The following FAM20C variants were observed in gnomAD, a reference collection of about 807,000 sequenced individuals.
FAM20C encodes extracellular serine/threonine protein kinase FAM20C.
In FAM20C, 40 loss-of-function variants were observed where a neutral mutation model predicts 51.5. The observed-to-expected ratio is 0.78, with a 90% CI of 0.60 to 1.01. The LOEUF (loss-of-function observed/expected upper bound fraction) is 1.01. Ranked by LOEUF, FAM20C falls within the 50% of genes least tolerant of loss-of-function variation. The probability of loss-of-function intolerance (pLI) is 0.00; values close to 1 mark genes in which losing one functional copy is unlikely to be tolerated. For missense variants in FAM20C, 861 were observed against 844.7 expected, an observed-to-expected ratio of 1.02 and a Z score of -0.24; for synonymous variants, 406 against 380.6, an observed-to-expected ratio of 1.07 and a Z score of -0.78.
chr7:246,974 G>A (rs150126374), intron 4 of FAM20C, among the ~76,000 whole-genome samples: 2,668 of 152,272 alleles, frequency 0.018, 78 homozygotes, highest in African/African-American at 0.06. Flanking sequence ...CAGATGGGAG[G>A]CACAGAAGCT....
intron 2 of FAM20C, among the ~76,000 whole-genome samples, chr7:208,161 G>A (rs1003476802): frequency 1.8e-4 from 27 of 152,040 alleles, no homozygotes; most frequent in Admixed American, 4.6e-4. Flanking sequence ...GTGTGTGGTC[G>A]TGCAGGGGTA....
intron 3 of FAM20C, among the ~76,000 whole-genome samples, chr7:235,889 A>G (rs1787833322): frequency 6.6e-6 from 1 of 152,164 alleles, no homozygotes; most frequent in Non-Finnish European, 1.5e-5. Flanking sequence ...TCCAGGAAAC[A>G]TTTGGGCGAC....
chr7:257,586 C>T (rs534548168), intron 8 of FAM20C: 23 of 178,764 alleles, frequency 1.3e-4, no homozygotes, highest in Non-Finnish European at 1.8e-4. Context: ...TTCCCAGGCT[C>T]GGAGGCCTCA....
At position 260,027 on chromosome 7, in the gene FAM20C, A is replaced by T; in HGVS notation, c.*47A>T. On this transcript the variant is annotated 3_prime_UTR_variant, in exon 10 of 10. Transcript: ENST00000313766. ...CCCGGGACGGAGACAGAGGCGCCGG[A>T]CCTCCCAGCAAGCGCATGCGCCCGT... is the stretch of plus-strand genomic sequence containing the variant. 6.9e-7 allele frequency: 1 copy of T among 1,451,486 alleles called. No homozygotes were observed. The highest frequency in any genetic ancestry group is 9.1e-7 in the Non-Finnish European group (1 of 1,099,564). 89.9% of individuals were successfully genotyped at this position (1,451,486 alleles called of 1,614,324 possible).
In FAM20C at chr7:222,259, G is replaced by A. The variant is rs967763078; in HGVS notation, c.863+13283G>A. 9.2e-4 allele frequency among the ~76,000 whole-genome samples: 140 copies of A among 152,282 alleles called. 1 individual carries two copies. Among genetic ancestry groups the A allele is most frequent in the African/African-American group, 3.3e-3 (136 of 41,538 alleles). On this transcript the variant is annotated intron_variant, in intron 3 of 9. Transcript: ENST00000313766. ...TCAGTGGGTGTTATGGGTCAGTGGA[G>A]AGTGAGCGCCCTGTGAGAGTCAGGG... is the stretch of plus-strand genomic sequence containing the variant.
chr7:229,581 G>A (rs1293063666), intron 3 of FAM20C: 2 of 152,424 alleles, frequency 1.3e-5, no homozygotes, highest in African/African-American at 4.8e-5. Flanking sequence ...GGTGCCAGGG[G>A]TTTTAAATAA....
At chr7:193,898 A>G in intron 1 of FAM20C, 94 bp downstream of exon 1, 1 of 1,426,726 alleles carries the variant, frequency 7.0e-7, no homozygotes, top group Non-Finnish European at 9.2e-7. Flanking sequence ...GCCGCCCCCC[A>G]TGGAAGAGGC....
At chr7:207,815 C>G (rs1786503536) in intron 2 of FAM20C, among the ~76,000 whole-genome samples, 1 of 152,236 alleles carries the variant, frequency 6.6e-6, no homozygotes, top group Non-Finnish European at 1.5e-5. Context: ...GCTCCCGGGG[C>G]TGCCCCAGGC....
intron 3 of FAM20C, chr7:228,115 G>A (rs549828598): frequency 1.9e-5 from 5 of 265,414 alleles, no homozygotes; most frequent in Non-Finnish European, 3.7e-5. Context: ...GGGGGACGGC[G>A]GGCTCAGTCA....
Position 214,200 on chromosome 7 carries a change from C to A in FAM20C, c.863+5224C>A, listed in dbSNP as rs1415116548. 3.9e-5 allele frequency among the ~76,000 whole-genome samples: 6 copies of A among 152,188 alleles called. No homozygotes were observed. In the East Asian group the frequency reaches 1.2e-3, roughly 29 times the overall value. On this transcript the variant is annotated intron_variant, in intron 3 of 9. Transcript: ENST00000313766. ...ATTAGCTGGGCGTGGTGATGCATGC[C>A]TGTAATCCCAGCTACTCGGGAGGCT...
chr7:224,199 C>T (rs1406528573), intron 3 of FAM20C, among the ~76,000 whole-genome samples: 1 of 142,442 alleles, frequency 7.0e-6, no homozygotes, highest in Non-Finnish European at 1.5e-5. Context: ...GTCACGGGGT[C>T]GCACGGCGGC....
chr7:230,168 C>T (rs939436639), intron 3 of FAM20C, among the ~76,000 whole-genome samples: 1 of 152,074 alleles, frequency 6.6e-6, no homozygotes, highest in African/African-American at 2.4e-5. Flanking sequence ...AATGCAATCC[C>T]CTGTCCTCAT....
chr7:193,369 C>T lies in FAM20C; in HGVS notation c.170C>T (p.Ala57Val). Reference protein sequence around the residue: ...SCAQPAAEVAAPGWAQVRGRP... With the variant: ...SCAQPAAEVAVPGWAQVRGRP... ...GCGCAGCCCGCCGCCGAGGTGGCCG[C>T]GCCCGGCTGGGCCCAGGTTCGGGGC... The change falls in exon 1 of 10, where the codon GCG becomes GTG. Residue 57 changes from alanine to valine, a missense_variant. By Grantham distance (64) the Ala-to-Val change is moderately conservative. Around this residue, in one of 3 missense-constraint regions of FAM20C, gnomAD observed 561 missense variants for 499.8 expected, o/e 1.12. Transcript: ENST00000313766. 2 of 1,269,692 alleles carry T rather than the reference C, an allele frequency of 1.6e-6. No individual in the cohort carries two copies. Among genetic ancestry groups the T allele is most frequent in the Non-Finnish European group, 2.0e-6 (2 of 1,008,668 alleles). 78.7% of individuals were successfully genotyped at this position (1,269,692 alleles called of 1,614,324 possible).
At chr7:207,269 C>T (rs796181373) in intron 2 of FAM20C, among the ~76,000 whole-genome samples, 9 of 26,198 alleles carry the variant, frequency 3.4e-4, no homozygotes, top group South Asian at 3.6e-3. Context: ...CACTGTGACG[C>T]GTCGGTCACT....
intron 3 of FAM20C, among the ~76,000 whole-genome samples, chr7:236,098 G>A (rs963165629): frequency 6.6e-6 from 1 of 152,302 alleles, no homozygotes; most frequent in East Asian, 1.9e-4. Flanking sequence ...GGCCGAGTTC[G>A]TCCCCTTCCG....
At chr7:236,673 A>G (rs1787856130) in intron 3 of FAM20C, among the ~76,000 whole-genome samples, 1 of 145,210 alleles carries the variant, frequency 6.9e-6, no homozygotes, top group Non-Finnish European at 1.5e-5. Flanking sequence ...GAGGGTGGAG[A>G]TGATGATAAG....
intron 3 of FAM20C, among the ~76,000 whole-genome samples, chr7:219,611 GA>G: frequency 6.6e-6 from 1 of 152,318 alleles, no homozygotes; most frequent in South Asian, 2.1e-4. Context: ...GGAGCCACAG[GA>G]AAAGCAATTC....
chr7:195,409 C>A, intron 1 of FAM20C, 145 bp from the exon 2 acceptor site: 1 of 650,852 alleles, frequency 1.5e-6, no homozygotes, highest in Non-Finnish European at 2.3e-6. Flanking sequence ...CGTTGCAGGG[C>A]CCTCTTTAAG....
chr7:213,445 T>G (rs1040154512), intron 3 of FAM20C, among the ~76,000 whole-genome samples: 15 of 152,202 alleles, frequency 9.9e-5, no homozygotes, highest in Non-Finnish European at 1.6e-4. Context: ...GAGTCCGGCA[T>G]TGCATAGTCC....
Sources: allele counts gnomAD v4.1 joint callset (sites outside exome capture counted in the v4.1 genomes callset), GRCh38; gene constraint gnomAD v4.1.1; regional missense constraint gnomAD v4.1.1; transcripts MANE v1.5; gene names NCBI Gene and HGNC (gene_info 2026-07-23, HGNC 2026-07-21).